LRMDA: variants seen among roughly 807,000 people sequenced by gnomAD.
LRMDA encodes leucine-rich melanocyte differentiation-associated protein.
LRMDA carries 18 observed loss-of-function variants against 29.8 expected under a neutral mutation model. The ratio of observed to expected loss-of-function variants is 0.60; its 90% CI spans 0.42 to 0.90. The LOEUF (loss-of-function observed/expected upper bound fraction) is 0.90. Among genes scored for constraint, LRMDA ranks in the 40% least tolerant of loss-of-function variants. The pLI, the probability that LRMDA is intolerant of heterozygous loss-of-function variation, is 0.00. For missense variants in LRMDA, 273 were observed against 273.9 expected, an observed-to-expected ratio of 1.00 and a Z score of 0.02; for synonymous variants, 125 against 109.4, an observed-to-expected ratio of 1.14 and a Z score of -0.89.
At chr10:76,106,685 G>A (rs1849490741) in intron 5 of LRMDA, among the ~76,000 whole-genome samples, 1 of 152,184 alleles carries the variant, frequency 6.6e-6, no homozygotes, top group South Asian at 2.1e-4. Flanking sequence ...CTCCTTGTAG[G>A]AGACGGAAGG....
intron 5 of LRMDA, among the ~76,000 whole-genome samples, chr10:76,149,968 G>T (rs151036704): frequency 2.6e-5 from 4 of 152,296 alleles, no homozygotes; most frequent in African/African-American, 9.6e-5. Context: ...GAGAGAGGTG[G>T]ACCAACCAGG....
chr10:75,977,538 C>T (rs571894934), intron 2 of LRMDA, among the ~76,000 whole-genome samples: 6 of 152,144 alleles, frequency 3.9e-5, no homozygotes, highest in Non-Finnish European at 7.4e-5. Context: ...TTTTTCCACA[C>T]GCAAAATAAA....
At chr10:75,557,317 TA>T (rs35472435) in intron 2 of LRMDA, among the ~76,000 whole-genome samples, 2,408 of 142,304 alleles carry the variant, frequency 0.017, 47 homozygotes, top group African/African-American at 0.054. Context: ...CTGTCTCAAT[TA>T]AAAAAAAAAA....
chr10:75,988,690 A>G (rs1257776456), intron 2 of LRMDA, among the ~76,000 whole-genome samples: 1 of 151,996 alleles, frequency 6.6e-6, no homozygotes, highest in Non-Finnish European at 1.5e-5. Context: ...GTTAGATGAG[A>G]CCCTGTTACT....
intron 2 of LRMDA, among the ~76,000 whole-genome samples, chr10:75,521,711 T>C (rs1845362133): frequency 6.6e-6 from 1 of 152,226 alleles, no homozygotes; most frequent in Admixed American, 6.5e-5. Context: ...CTCCGTGGGC[T>C]GCACCCACTG....
intron 5 of LRMDA, among the ~76,000 whole-genome samples, chr10:76,211,548 C>G (rs1361809943): frequency 6.6e-6 from 1 of 152,208 alleles, no homozygotes; most frequent in Admixed American, 6.5e-5. Flanking sequence ...GAAACTACAA[C>G]AATGAATGAC....
At chr10:75,813,684 A>G (rs989693776) in intron 2 of LRMDA, among the ~76,000 whole-genome samples, 1 of 152,218 alleles carries the variant, frequency 6.6e-6, no homozygotes, top group Admixed American at 6.5e-5. Context: ...TTTAGGTTAT[A>G]TTTGTTGTAT....
At chr10:76,144,692 C>G (rs1242570693) in intron 5 of LRMDA, among the ~76,000 whole-genome samples, 1 of 152,014 alleles carries the variant, frequency 6.6e-6, no homozygotes, top group Non-Finnish European at 1.5e-5. Flanking sequence ...ATTTCCTTCT[C>G]CTGCCTGATT....
intron 5 of LRMDA, among the ~76,000 whole-genome samples, chr10:76,137,183 C>T (rs530795613): frequency 3.9e-5 from 6 of 152,298 alleles, no homozygotes; most frequent in African/African-American, 1.4e-4. Flanking sequence ...TTGGACATTC[C>T]CATCCCATGC....
At chr10:76,221,069 C>T (rs1851824078) in intron 5 of LRMDA, among the ~76,000 whole-genome samples, 1 of 152,098 alleles carries the variant, frequency 6.6e-6, no homozygotes, top group Admixed American at 6.6e-5. Flanking sequence ...CAAAATTCAA[C>T]AACCCTTCAT....
intron 2 of LRMDA, among the ~76,000 whole-genome samples, chr10:75,992,990 GAAAATT>G (rs368130068): frequency 1.8e-4 from 28 of 152,072 alleles, no homozygotes; most frequent in African/African-American, 6.0e-4. Flanking sequence ...AAATAAAAAT[GAAAATT>G]AATAAGGTGG....
intron 6 of LRMDA, among the ~76,000 whole-genome samples, chr10:76,368,605 T>A (rs920501164): frequency 1.3e-5 from 2 of 152,308 alleles, no homozygotes; most frequent in East Asian, 3.9e-4. Context: ...TTTGTATATA[T>A]TTGTTGAGTC....
chr10:75,788,998 G>A (rs932057774), intron 2 of LRMDA, among the ~76,000 whole-genome samples: 1 of 152,190 alleles, frequency 6.6e-6, no homozygotes, highest in Non-Finnish European at 1.5e-5. Context: ...CTAGGTCAAA[G>A]GGTATGTGCC....
intron 2 of LRMDA, among the ~76,000 whole-genome samples, chr10:75,621,377 CAT>C (rs1417121672): frequency 3.3e-5 from 5 of 152,214 alleles, no homozygotes; most frequent in African/African-American, 1.2e-4. Flanking sequence ...CTTTTCCACA[CAT>C]GTGTGTGCCT....
chr10:76,136,135 G>A (rs1433107543), intron 5 of LRMDA, among the ~76,000 whole-genome samples: 2 of 152,104 alleles, frequency 1.3e-5, no homozygotes, highest in East Asian at 1.9e-4. Flanking sequence ...CTTGGAAAAG[G>A]CATTTTTATA....
At chr10:76,391,899 C>T (rs1025768875) in intron 6 of LRMDA, among the ~76,000 whole-genome samples, 1 of 152,118 alleles carries the variant, frequency 6.6e-6, no homozygotes, top group Non-Finnish European at 1.5e-5. Flanking sequence ...CAAATTATAT[C>T]TGTCTATGGA....
chr10:75,802,739 T>C (rs1843775787), intron 2 of LRMDA, among the ~76,000 whole-genome samples: 1 of 152,170 alleles, frequency 6.6e-6, no homozygotes, highest in Admixed American at 6.5e-5. Flanking sequence ...AAATTAGATT[T>C]ACTGCTTTTT....
intron 2 of LRMDA, among the ~76,000 whole-genome samples, chr10:75,650,582 C>T (rs1383111198): frequency 6.6e-6 from 1 of 152,028 alleles, no homozygotes; most frequent in African/African-American, 2.4e-5. Context: ...TGGCTCTGAC[C>T]CTGGAACAGG....
At chr10:75,993,578 C>T (rs1847408332) in intron 2 of LRMDA, among the ~76,000 whole-genome samples, 1 of 151,974 alleles carries the variant, frequency 6.6e-6, no homozygotes, top group East Asian at 1.9e-4. Flanking sequence ...ACTAAAAATA[C>T]AAAACTTAGC....
Sources: gnomAD v4.1 joint callset for allele counts (sites outside exome capture counted in the v4.1 genomes callset) on GRCh38, gnomAD v4.1.1 for gene constraint, MANE v1.5 for transcripts, NCBI Gene and HGNC (gene_info 2026-07-23, HGNC 2026-07-21) for gene names.